NCAM2: variants seen among roughly 807,000 people sequenced by gnomAD.
NCAM2 encodes the protein neural cell adhesion molecule 2, also known as N-CAM-2.
A neutral mutation model predicts 98.1 loss-of-function variants in NCAM2; 30 were observed. The observed-to-expected ratio is 0.31, with a 90% confidence interval of 0.23 to 0.41. NCAM2 has a LOEUF of 0.41. Ranked by LOEUF, NCAM2 falls within the 10% of genes least tolerant of loss-of-function variation. The pLI is 1.00. For synonymous variants in NCAM2, 368 were observed against 342.4 expected (o/e 1.07, Z -0.83); for missense variants, 867 against 1,005.8 (o/e 0.86, Z 1.87).
In NCAM2 at chr21:21,444,875, C is replaced by CT. The variant is rs1308193774; in HGVS notation, c.1654+12597dup. 2.6e-5 allele frequency among the ~76,000 whole-genome samples: 4 copies of CT among 152,142 alleles called. No homozygotes were observed. The South Asian group carries it at 8.3e-4, about 32-fold the overall frequency. Reference sequence around the variant, plus strand: ...TTAGTTATTTCTTGTCTTCTGCTAGCTTTGTGGTTAGTTTGCTCTTGCTTC... The same window carrying CT: ...TTAGTTATTTCTTGTCTTCTGCTAGCTTTTGTGGTTAGTTTGCTCTTGCTTC... On this transcript the variant is annotated intron_variant, in intron 12 of 17. Transcript: ENST00000400546.
At chr21:21,212,742 CTT>C (rs34111265) in intron 1 of NCAM2, among the ~76,000 whole-genome samples, 12 of 124,710 alleles carry the variant, frequency 9.6e-5, no homozygotes, top group Admixed American at 1.8e-4. Flanking sequence ...ATTATCTGTG[CTT>C]TTTTTTTTTT....
chr21:21,129,492 A>G (rs73894440), intron 1 of NCAM2, among the ~76,000 whole-genome samples: 212 of 152,244 alleles, frequency 1.4e-3, no homozygotes, highest in African/African-American at 4.6e-3. Context: ...GTGGGCTTCT[A>G]TATCAAAAAT....
At chr21:21,403,459 T>C (rs1015131789) in intron 9 of NCAM2, among the ~76,000 whole-genome samples, 3 of 151,748 alleles carry the variant, frequency 2.0e-5, no homozygotes, top group African/African-American at 7.3e-5. Context: ...GGAAAATCTT[T>C]AAGATTAAGG....
intron 7 of NCAM2, 95 bp from the exon 8 acceptor site, chr21:21,338,294 T>C: frequency 1.7e-6 from 2 of 1,142,982 alleles, no homozygotes; most frequent in Non-Finnish European, 2.5e-6. Context: ...AATATCATAC[T>C]ATACTATAGT....
intron 1 of NCAM2, among the ~76,000 whole-genome samples, chr21:20,999,392 G>A (rs1261024800): frequency 6.6e-6 from 1 of 152,028 alleles, no homozygotes; most frequent in African/African-American, 2.4e-5. Flanking sequence ...TAACCTGAGA[G>A]GGAATTTGTG....
intron 8 of NCAM2, among the ~76,000 whole-genome samples, chr21:21,369,550 C>A (rs186557554): frequency 1.6e-3 from 240 of 151,950 alleles, no homozygotes; most frequent in Non-Finnish European, 2.7e-3. Context: ...AACATCTGCA[C>A]CATTTTACAT....
intron 12 of NCAM2, among the ~76,000 whole-genome samples, chr21:21,449,539 A>G (rs1402645843): frequency 1.3e-5 from 2 of 152,056 alleles, no homozygotes; most frequent in African/African-American, 2.4e-5. Flanking sequence ...AATTTTATTG[A>G]TAGCGCATTT....
intron 1 of NCAM2, among the ~76,000 whole-genome samples, chr21:21,139,380 G>T (rs776433667): frequency 6.6e-6 from 1 of 152,262 alleles, no homozygotes; most frequent in African/African-American, 2.4e-5. Context: ...CATCAGGTTT[G>T]TGGTAATTTA....
intron 12 of NCAM2, among the ~76,000 whole-genome samples, chr21:21,464,269 T>C (rs1415391748): frequency 6.6e-6 from 1 of 152,088 alleles, no homozygotes. Flanking sequence ...AGGGCGTTTA[T>C]TCTTCAAGTC....
intron 12 of NCAM2, among the ~76,000 whole-genome samples, chr21:21,451,669 G>A (rs1252470934): frequency 2.6e-5 from 4 of 152,026 alleles, no homozygotes; most frequent in African/African-American, 7.2e-5. Flanking sequence ...TAACATTAAA[G>A]ACAAAAGGGA....
intron 10 of NCAM2, among the ~76,000 whole-genome samples, 173 bp downstream of exon 10, chr21:21,410,634 G>A (rs951750243): frequency 1.3e-5 from 2 of 151,948 alleles, no homozygotes; most frequent in African/African-American, 4.8e-5. Context: ...AATGATGAGT[G>A]TATGAATGTC....
chr21:21,490,747 T>C (rs986667256), intron 15 of NCAM2, among the ~76,000 whole-genome samples: 1 of 151,732 alleles, frequency 6.6e-6, no homozygotes. Context: ...ACGCTTCTGT[T>C]TTAAAGTACT....
intron 6 of NCAM2, 142 bp downstream of exon 6, chr21:21,324,642 G>C (rs548880124): frequency 5.1e-5 from 32 of 627,196 alleles, no homozygotes; most frequent in Admixed American, 4.2e-4. Flanking sequence ...TATCTTTGGG[G>C]CTTACGGTGG....
At chr21:21,059,709 C>T (rs2065282680) in intron 1 of NCAM2, among the ~76,000 whole-genome samples, 1 of 152,008 alleles carries the variant, frequency 6.6e-6, no homozygotes. Flanking sequence ...TAGTGGTTCT[C>T]AATGAGGATG....
At chr21:21,515,728 G>A (rs372742530) in intron 16 of NCAM2, among the ~76,000 whole-genome samples, 2 of 152,078 alleles carry the variant, frequency 1.3e-5, no homozygotes, top group East Asian at 1.9e-4. Context: ...GTATGACCAT[G>A]AACTAATACT....
chr21:21,031,708 G>A (rs1422526153), intron 1 of NCAM2, among the ~76,000 whole-genome samples: 1 of 152,108 alleles, frequency 6.6e-6, no homozygotes, highest in Non-Finnish European at 1.5e-5. Flanking sequence ...TATGCTGTAA[G>A]CCTTTTCCAA....
chr21:21,165,688 T>A (rs1156401), intron 1 of NCAM2, among the ~76,000 whole-genome samples: 49,238 of 152,140 alleles, frequency 0.32, 9,247 homozygotes, highest in Non-Finnish European at 0.44. Context: ...AACTATCATA[T>A]TTTCCTGAGC....
chr21:21,306,233 G>C (rs976118289), intron 5 of NCAM2, among the ~76,000 whole-genome samples: 1 of 152,102 alleles, frequency 6.6e-6, no homozygotes, highest in African/African-American at 2.4e-5. Flanking sequence ...CAAGTCTTCT[G>C]TATCTTTTTA....
intron 1 of NCAM2, among the ~76,000 whole-genome samples, chr21:21,107,718 G>A (rs1458187616): frequency 3.3e-5 from 5 of 152,082 alleles, no homozygotes; most frequent in Non-Finnish European, 5.9e-5. Flanking sequence ...TATAGAAAAT[G>A]TTGGACAGTA....
Sources: gnomAD v4.1 joint callset for allele counts (sites outside exome capture counted in the v4.1 genomes callset) on GRCh38, gnomAD v4.1.1 for gene constraint, MANE v1.5 for transcripts, NCBI Gene and HGNC (gene_info 2026-07-23, HGNC 2026-07-21) for gene names.